The following KCTD10 variants were observed in gnomAD, a reference collection of about 807,000 sequenced individuals.
KCTD10 encodes the protein BTB/POZ domain-containing adapter for CUL3-mediated RhoA degradation protein 3.
A neutral mutation model predicts 34.6 loss-of-function variants in KCTD10; 13 were observed. The ratio of observed to expected loss-of-function variants is 0.38; its 90% CI spans 0.24 to 0.60. The LOEUF is 0.60. Among genes scored for constraint, KCTD10 ranks in the 20% least tolerant of loss-of-function variants. The pLI, the probability that KCTD10 is intolerant of heterozygous loss-of-function variation, is 0.66. For missense variants in KCTD10, 256 were observed against 420.3 expected, an observed-to-expected ratio of 0.61 and a Z score of 3.42; for synonymous variants, 156 against 168.8, an observed-to-expected ratio of 0.92 and a Z score of 0.59.
chr12:109,472,580 A>G (rs945519105), intron 1 of KCTD10, among the ~76,000 whole-genome samples: 1 of 152,170 alleles, frequency 6.6e-6, no homozygotes, highest in Non-Finnish European at 1.5e-5. Context: ...AACCAGTGAT[A>G]TATCTATCAA....
rs377189484 is a variant in KCTD10 at position 109,451,580 on chromosome 12, C to T, written c.*15G>A. On this transcript the variant is annotated 3_prime_UTR_variant, in exon 7 of 7. Coordinates refer to ENST00000228495, the MANE Select transcript of KCTD10 (RefSeq NM_031954.5). The surrounding 1 kb of genome is among the most constrained non-coding windows in gnomAD (Gnocchi z 5.0). The stretch of plus-strand genomic sequence containing the variant: ...TGGGGGCGGTGAGAGGAGGGCGGCT[C>T]GGTCTCTTGCCTGCTCACTGGTGGA... 194 of 1,591,936 alleles carry T rather than the reference C, an allele frequency of 1.2e-4. 2 individuals are homozygous for T. The highest frequency in any genetic ancestry group is 5.2e-4 in the East Asian group (23 of 44,430).
Position 109,460,501 on chromosome 12 carries a change from T to A in KCTD10, c.387+135A>T, listed in dbSNP as rs530332108. On this transcript the variant is annotated intron_variant, in intron 3 of 6. Coordinates refer to ENST00000228495, the MANE Select transcript of KCTD10 (RefSeq NM_031954.5). The surrounding 1 kb of genome is among the most constrained non-coding windows in gnomAD (Gnocchi z 4.5). Reference sequence around the variant, plus strand: ...GTCACTCCAACCGAAGGAATCGGGCTCCAGGGCAAACTCATTAACTCTCAC... The same window carrying A: ...GTCACTCCAACCGAAGGAATCGGGCACCAGGGCAAACTCATTAACTCTCAC... 1 of 968,034 alleles carries A rather than the reference T, an allele frequency of 1.0e-6. No homozygotes were observed. The highest frequency in any genetic ancestry group is 2.6e-5 in the East Asian group (1 of 38,926). 60.0% of individuals were successfully genotyped at this position (968,034 alleles called of 1,614,324 possible).
In KCTD10 at chr12:109,450,615, T is replaced by A. The variant is rs1439007683; in HGVS notation, c.*980A>T. On this transcript the variant is annotated 3_prime_UTR_variant, in exon 7 of 7. Coordinates refer to ENST00000228495, the MANE Select transcript of KCTD10 (RefSeq NM_031954.5). The stretch of plus-strand genomic sequence containing the variant: ...TGCCAGGCTGGGAGGACAAAGGGTA[T>A]GGGCCACACTGAATTTCTAAGCAAA... 2.7e-6 allele frequency: 1 copy of A among 377,128 alleles called. No homozygotes were observed. Among genetic ancestry groups the A allele is most frequent in the African/African-American group, 2.1e-5 (1 of 48,082 alleles). 23.4% of individuals were successfully genotyped at this position (377,128 alleles called of 1,614,324 possible).
chr12:109,453,313 C>A (rs1872866885), intron 6 of KCTD10, among the ~76,000 whole-genome samples: 1 of 152,180 alleles, frequency 6.6e-6, no homozygotes, highest in South Asian at 2.1e-4. Context: ...CCTCAGCCTC[C>A]CAAGTAGTTT....
chr12:109,477,167 C>T (rs1446662500), intron 1 of KCTD10, 93 bp downstream of exon 1: 3 of 1,503,906 alleles, frequency 2.0e-6, no homozygotes, highest in Middle Eastern at 1.7e-4. Flanking sequence ...CCCCTCATCA[C>T]ACCCCCTCCT....
In KCTD10 at chr12:109,457,610, T is replaced by C. The variant is rs773416414; in HGVS notation, c.527+20A>G. 1 of 1,613,076 alleles carries C rather than the reference T, an allele frequency of 6.2e-7. No individual in the cohort carries two copies. The highest frequency in any genetic ancestry group is 1.1e-5 in the South Asian group (1 of 91,060). ...GGTTTTCCTAGTAAATGGAGCTGTC[T>C]TTCCCGGCTGACGCCTTACCTGGTA... On this transcript the variant is annotated intron_variant, in intron 5 of 6. Coordinates refer to ENST00000228495, the MANE Select transcript of KCTD10 (RefSeq NM_031954.5).
intron 2 of KCTD10, among the ~76,000 whole-genome samples, chr12:109,466,431 A>G (rs1873591475): frequency 1.3e-5 from 2 of 152,250 alleles, no homozygotes; most frequent in Admixed American, 1.3e-4. Context: ...AGAGGTTCAG[A>G]GAAAAAGCCA....
chr12:109,462,053 G>C (rs1873357624), intron 2 of KCTD10, among the ~76,000 whole-genome samples: 1 of 152,182 alleles, frequency 6.6e-6, no homozygotes, highest in Non-Finnish European at 1.5e-5. Flanking sequence ...CCTGGGCCTT[G>C]GATCAGTGGC....
chr12:109,456,338 G>C (rs1873017331), intron 5 of KCTD10, 25 bp from the exon 6 acceptor site: 1 of 1,607,622 alleles, frequency 6.2e-7, no homozygotes, highest in South Asian at 1.1e-5. Flanking sequence ...TTGATACGGT[G>C]ACCACAAGCT....
Position 109,460,561 on chromosome 12 carries a change from G to T in KCTD10, c.387+75C>A, listed in dbSNP as rs1873263409. 3.5e-6 allele frequency: 5 copies of T among 1,444,316 alleles called. No homozygotes were observed. In the South Asian group the frequency reaches 5.1e-5, roughly 15 times the overall value. 89.5% of individuals were successfully genotyped at this position (1,444,316 alleles called of 1,614,324 possible). ...GTCAGACAGAAACTGCCCCCATTTTGCAGAGAGGGAAAATGAGGAAGGCAG... is the reference window on the plus strand; with the variant it reads ...GTCAGACAGAAACTGCCCCCATTTTTCAGAGAGGGAAAATGAGGAAGGCAG... On this transcript the variant is annotated intron_variant, in intron 3 of 6. Transcript: ENST00000228495. This position sits in a 1 kb window ranked among gnomAD's most constrained non-coding sequence, Gnocchi z 4.5.
intron 5 of KCTD10, 191 bp downstream of exon 5, chr12:109,457,439 A>G: frequency 1.7e-6 from 1 of 586,060 alleles, no homozygotes; most frequent in Non-Finnish European, 3.1e-6. Flanking sequence ...CTCTAGAAAG[A>G]TGACTTTTAT....
chr12:109,476,528 C>G (rs949680230), intron 1 of KCTD10, among the ~76,000 whole-genome samples: 1 of 152,164 alleles, frequency 6.6e-6, no homozygotes, highest in Non-Finnish European at 1.5e-5. Flanking sequence ...GAAACATCCT[C>G]CGCTCCTTAG....
intron 2 of KCTD10, among the ~76,000 whole-genome samples, chr12:109,465,927 TA>T (rs1325990833): frequency 1.3e-5 from 2 of 152,138 alleles, no homozygotes; most frequent in Non-Finnish European, 2.9e-5. Flanking sequence ...AAACCTACAA[TA>T]GGGGGAAGTA....
At position 109,449,297 on chromosome 12, in the gene KCTD10, T is replaced by C. The variant is rs1872640097; in HGVS notation, c.*2298A>G. ...ATGGAATGTTTTATAAACCTGTTCA[T>C]ATTCCAGAGAGACAAAGACTCAAAA... On this transcript the variant is annotated 3_prime_UTR_variant, in exon 7 of 7. Transcript: ENST00000228495. 1 of 152,242 alleles carries C rather than the reference T, an allele frequency of 6.6e-6. No individual in the cohort carries two copies. The highest frequency in any genetic ancestry group is 1.5e-5 in the Non-Finnish European group (1 of 68,048). The allele number at this position is 152,242 out of a possible 1,614,324, so 9.4% of individuals were successfully genotyped here. A position where few individuals can be genotyped will look rare whatever the true frequency, so the allele number is the denominator to read the frequency against.
rs2135669319 is a variant in KCTD10, at chr12:109,465,663, G to A, written c.217+3852C>T. Among the ~76,000 whole-genome samples the A allele has an allele frequency of 1.3e-5, 2 of 152,354 alleles. 1 individual carries two copies. Among genetic ancestry groups the A allele is most frequent in the African/African-American group, 4.8e-5 (2 of 41,586 alleles). ...ACAGGTCATACTTTATGCCTGGGCT[G>A]AGCCTGGTGGCACAGGTGAGTTTGT... is the stretch of plus-strand genomic sequence containing the variant. On this transcript the variant is annotated intron_variant, in intron 2 of 6. Coordinates refer to ENST00000228495, the MANE Select transcript of KCTD10 (RefSeq NM_031954.5).
chr12:109,473,439 G>A (rs1389001286), intron 1 of KCTD10, among the ~76,000 whole-genome samples: 1 of 152,126 alleles, frequency 6.6e-6, no homozygotes, highest in Non-Finnish European at 1.5e-5. Context: ...AAATTATGAT[G>A]ATTTGAGAAT....
chr12:109,474,676 T>C (rs940988137), intron 1 of KCTD10, among the ~76,000 whole-genome samples: 1 of 152,040 alleles, frequency 6.6e-6, no homozygotes, highest in Admixed American at 6.6e-5. Flanking sequence ...ATTCCTGACC[T>C]GACACATTAA....
Position 109,460,302 on chromosome 12 carries a change from A to C in KCTD10, c.387+334T>G, listed in dbSNP as rs1020163258. 4.3e-6 allele frequency: 1 copy of C among 230,638 alleles called. No homozygotes were observed. 14.3% of individuals were successfully genotyped at this position (230,638 alleles called of 1,614,324 possible). A position where few individuals can be genotyped will look rare whatever the true frequency, so the allele number is the denominator to read the frequency against. On this transcript the variant is annotated intron_variant, in intron 3 of 6. Transcript: ENST00000228495. This position sits in a 1 kb window ranked among gnomAD's most constrained non-coding sequence, Gnocchi z 4.5. ...AGATTATGCTGAGCTCCCAACAATG[A>C]CTTGTGGGACTAGAGTAAGCCCTAA...
In KCTD10 at chr12:109,466,216, G is replaced by A. The variant is rs148277429; in HGVS notation, c.217+3299C>T. 1.6e-3 allele frequency among the ~76,000 whole-genome samples: 237 copies of A among 152,230 alleles called. 1 individual carries two copies. Among genetic ancestry groups the A allele is most frequent in the Middle Eastern group, 3.4e-3 (1 of 294 alleles). ...AAGGCCAAGGCAGGCAGCCTCTCCC[G>A]ACATGCTGCTAAGACCTGCTTCTCT... On this transcript the variant is annotated intron_variant, in intron 2 of 6. Transcript: ENST00000228495.
Sources: gnomAD v4.1 joint callset for allele counts (sites outside exome capture counted in the v4.1 genomes callset) on GRCh38, gnomAD v4.1.1 for gene constraint, Gnocchi (gnomAD v3.1) non-coding constraint, MANE v1.5 for transcripts, NCBI Gene and HGNC (gene_info 2026-07-23, HGNC 2026-07-21) for gene names.